The following MPPED1 variants were observed in gnomAD, a reference collection of about 807,000 sequenced individuals.
MPPED1 encodes the protein metallophosphoesterase domain-containing protein 1.
In MPPED1, 16 loss-of-function variants were observed where a neutral mutation model predicts 36.2. The ratio of observed to expected loss-of-function variants is 0.44; its 90% confidence interval spans 0.30 to 0.67. The LOEUF is 0.67. Among genes scored for constraint, MPPED1 ranks in the 30% least tolerant of loss-of-function variants. The pLI is 0.10. For synonymous variants in MPPED1, 199 were observed against 191.3 expected (o/e 1.04, Z -0.33); for missense variants, 307 against 453.4 (o/e 0.68, Z 2.93).
chr22:43,479,516 G>T (rs1931683829), intron 4 of MPPED1, among the ~76,000 whole-genome samples: 1 of 152,212 alleles, frequency 6.6e-6, no homozygotes, highest in Admixed American at 6.5e-5. Context: ...CCATAGGCAG[G>T]CGCCCAGGGG....
intron 4 of MPPED1, among the ~76,000 whole-genome samples, chr22:43,491,571 G>T (rs1385836411): frequency 6.6e-6 from 1 of 150,424 alleles, no homozygotes; most frequent in Non-Finnish European, 1.5e-5. Context: ...AGTGATGGAG[G>T]TGGTGATGAA....
chr22:43,493,075 G>A (rs1369351157), intron 4 of MPPED1, among the ~76,000 whole-genome samples: 1 of 152,200 alleles, frequency 6.6e-6, no homozygotes. Flanking sequence ...CAAATAACCA[G>A]TGTGGCCACC....
intron 1 of MPPED1, among the ~76,000 whole-genome samples, chr22:43,422,055 A>C (rs1929292503): frequency 6.6e-6 from 1 of 152,180 alleles, no homozygotes; most frequent in South Asian, 2.1e-4. Flanking sequence ...CCCTGCCCTC[A>C]GGGGACATCC....
At chr22:43,504,965 GTGA>G (rs146342204) in intron 6 of MPPED1, among the ~76,000 whole-genome samples, 56,093 of 151,362 alleles carry the variant, frequency 0.37, 12,122 homozygotes, top group East Asian at 0.79. Context: ...GATGGTGGTG[GTGA>G]TGATAAAGGT....
intron 1 of MPPED1, among the ~76,000 whole-genome samples, chr22:43,414,036 C>T (rs1203148142): frequency 6.6e-6 from 1 of 152,172 alleles, no homozygotes; most frequent in Non-Finnish European, 1.5e-5. Context: ...TCACATCCAC[C>T]CTGGCTGATG....
chr22:43,425,300 T>C, intron 2 of MPPED1, 91 bp downstream of exon 2: 2 of 1,451,082 alleles, frequency 1.4e-6, no homozygotes, highest in African/African-American at 1.4e-5. Context: ...CTGGGGGCAC[T>C]GTAACAAGCA....
At chr22:43,447,874 TATATA>T (rs1158063538) in intron 3 of MPPED1, among the ~76,000 whole-genome samples, 1 of 32,302 alleles carries the variant, frequency 3.1e-5, no homozygotes, top group Non-Finnish European at 5.5e-5. Context: ...TATATATATA[TATATA>T]TATATTTTTT....
intron 4 of MPPED1, among the ~76,000 whole-genome samples, chr22:43,493,256 G>A (rs1193756501): frequency 6.6e-6 from 1 of 152,212 alleles, no homozygotes; most frequent in Non-Finnish European, 1.5e-5. Context: ...CCATCTTCTA[G>A]TCCAGGACCT....
intron 1 of MPPED1, among the ~76,000 whole-genome samples, chr22:43,414,288 CT>C (rs1199106826): frequency 2.0e-5 from 3 of 152,154 alleles, no homozygotes; most frequent in African/African-American, 7.2e-5. Context: ...ACCTTCCCAA[CT>C]AGGCAGTACG....
intron 3 of MPPED1, among the ~76,000 whole-genome samples, chr22:43,459,362 A>G (rs1008780488): frequency 3.3e-5 from 5 of 152,226 alleles, no homozygotes; most frequent in African/African-American, 1.2e-4. Context: ...TGCTGGGATT[A>G]CAGGCGTGAG....
chr22:43,433,224 G>C (rs1929828144), intron 2 of MPPED1, among the ~76,000 whole-genome samples: 2 of 152,032 alleles, frequency 1.3e-5, no homozygotes, highest in African/African-American at 4.8e-5. Flanking sequence ...GCTTCCAGAA[G>C]ACCCCAGGCC....
intron 3 of MPPED1, among the ~76,000 whole-genome samples, chr22:43,438,685 G>T (rs1244194141): frequency 6.6e-6 from 1 of 152,098 alleles, no homozygotes; most frequent in Non-Finnish European, 1.5e-5. Context: ...CTCTGTGTCT[G>T]ATTTTCTATA....
chr22:43,418,285 G>C (rs1423731315), intron 1 of MPPED1: 1 of 381,154 alleles, frequency 2.6e-6, no homozygotes, highest in Non-Finnish European at 5.3e-6. Flanking sequence ...GAGTTTGAGA[G>C]GCCTGTGTTG....
intron 3 of MPPED1, among the ~76,000 whole-genome samples, chr22:43,463,815 C>CTTTCTTTTTTTTTTTTTTTTTT (rs1377538955): frequency 2.1e-5 from 1 of 47,950 alleles, no homozygotes; most frequent in African/African-American, 9.0e-5. Context: ...TCTTTTCTTT[C>CTTTCTTTTTTTTTTTTTTTTTT]TTTCTTTCTT....
intron 4 of MPPED1, among the ~76,000 whole-genome samples, chr22:43,497,766 C>CTTTTTTTTTTTTTTTTTTTTT (rs1298135020): frequency 1.3e-5 from 2 of 148,802 alleles, no homozygotes; most frequent in African/African-American, 5.0e-5. Flanking sequence ...AATCTGCTCT[C>CTTTTTTTTTTTTTTTTTTTTT]TTTTGACTGG....
At chr22:43,499,794 GTGA>G (rs1400615974) in intron 5 of MPPED1, among the ~76,000 whole-genome samples, 3 of 48,054 alleles carry the variant, frequency 6.2e-5, no homozygotes, top group African/African-American at 3.1e-4. Context: ...GGTGGTGGTG[GTGA>G]TGGAGGTGGT....
chr22:43,469,929 T>C (rs1041614613), intron 3 of MPPED1, among the ~76,000 whole-genome samples: 1 of 152,152 alleles, frequency 6.6e-6, no homozygotes, highest in Non-Finnish European at 1.5e-5. Flanking sequence ...TATGCATCTA[T>C]ATATTCATAC....
At chr22:43,487,014 A>G (rs1931933623) in intron 4 of MPPED1, among the ~76,000 whole-genome samples, 1 of 152,138 alleles carries the variant, frequency 6.6e-6, no homozygotes, top group Non-Finnish European at 1.5e-5. Flanking sequence ...AGGATGGTGC[A>G]GAGTGAAGAG....
At chr22:43,475,518 G>C (rs1462424438) in intron 4 of MPPED1, among the ~76,000 whole-genome samples, 2 of 558 alleles carry the variant, frequency 3.6e-3, no homozygotes, top group Admixed American at 0.012. Context: ...CATGATGATG[G>C]TTGTGGTGGT....
Sources: gnomAD v4.1 joint callset for allele counts (sites outside exome capture counted in the v4.1 genomes callset) on GRCh38, gnomAD v4.1.1 for gene constraint, MANE v1.5 for transcripts, NCBI Gene and HGNC (gene_info 2026-07-23, HGNC 2026-07-21) for gene names.